Variants in CDH2 observed in about 807,000 individuals in gnomAD.
The protein encoded by CDH2 is cadherin-2.
In CDH2, 17 loss-of-function variants were observed where a neutral mutation model predicts 92.0. The ratio of observed to expected loss-of-function variants is 0.18; its 90% CI spans 0.13 to 0.28. The LOEUF (loss-of-function observed/expected upper bound fraction) is 0.28. Among genes scored for constraint, CDH2 ranks in the 10% least tolerant of loss-of-function variants. The pLI is 1.00. For synonymous variants in CDH2, 419 were observed against 415.9 expected, an observed-to-expected ratio of 1.01 and a Z score of -0.09; for missense variants, 862 against 1,133.1, an observed-to-expected ratio of 0.76 and a Z score of 3.44.
chr18:27,971,235 CA>C (rs35636455), intron 14 of CDH2, among the ~76,000 whole-genome samples: 51,243 of 137,644 alleles, frequency 0.37, 9,793 homozygotes, highest in Non-Finnish European at 0.46. Context: ...GACTCCATCT[CA>C]AAAAAAAAAA....
intron 2 of CDH2, among the ~76,000 whole-genome samples, chr18:28,023,173 G>A (rs1473365409): frequency 1.3e-5 from 2 of 152,040 alleles, no homozygotes; most frequent in Admixed American, 6.6e-5. Flanking sequence ...ATGGAATCAC[G>A]ATTTATAAGC....
chr18:28,140,416 T>C (rs2015933188), intron 2 of CDH2, among the ~76,000 whole-genome samples: 1 of 151,984 alleles, frequency 6.6e-6, no homozygotes, highest in South Asian at 2.1e-4. Context: ...ATTTCACATG[T>C]TGAAATCCTC....
chr18:28,022,871 G>A (rs914394794), intron 2 of CDH2, among the ~76,000 whole-genome samples: 1 of 151,924 alleles, frequency 6.6e-6, no homozygotes, highest in African/African-American at 2.4e-5. Flanking sequence ...CTCTGTGTGT[G>A]TAATATTTTT....
chr18:28,135,706 T>C (rs1449773032), intron 2 of CDH2, among the ~76,000 whole-genome samples: 2 of 152,188 alleles, frequency 1.3e-5, no homozygotes, highest in Non-Finnish European at 2.9e-5. Flanking sequence ...AAGGAATAAT[T>C]GCATATATGC....
intron 15 of CDH2, among the ~76,000 whole-genome samples, chr18:27,960,732 T>C (rs1197047815): frequency 6.6e-6 from 1 of 152,192 alleles, no homozygotes; most frequent in Non-Finnish European, 1.5e-5. Context: ...CTCAAGATGG[T>C]TTCACAATGA....
downstream of CDH2, among the ~76,000 whole-genome samples, chr18:27,949,565 T>C (rs985937564): frequency 6.6e-6 from 1 of 151,894 alleles, no homozygotes; most frequent in Non-Finnish European, 1.5e-5. Context: ...ATTACCAAGA[T>C]ACACTCAGTG....
intron 2 of CDH2, among the ~76,000 whole-genome samples, chr18:28,121,694 A>G (rs1598489863): frequency 6.6e-6 from 1 of 151,884 alleles, no homozygotes; most frequent in Non-Finnish European, 1.5e-5. Context: ...AGGGTTACCA[A>G]AAAAAACAGA....
chr18:28,111,582 C>T (rs1011522082), intron 2 of CDH2, among the ~76,000 whole-genome samples: 3 of 152,144 alleles, frequency 2.0e-5, no homozygotes, highest in Non-Finnish European at 2.9e-5. Context: ...CTCTGAAATT[C>T]AAAACACTGA....
At chr18:27,960,870 C>T (rs1004209294) in intron 15 of CDH2, among the ~76,000 whole-genome samples, 1 of 152,014 alleles carries the variant, frequency 6.6e-6, no homozygotes, top group Admixed American at 6.6e-5. Flanking sequence ...TAATGGTCTC[C>T]AGCCATAATA....
chr18:27,985,798 G>A lies in CDH2; in HGVS notation c.1742-37C>T, dbSNP rs1303043957. Reference sequence around the variant, plus strand: ...GAAAAATCACAAATGATGCTGAACAGTTCTCTCCAATGAGCCTCAATTATG... The same window carrying A: ...GAAAAATCACAAATGATGCTGAACAATTCTCTCCAATGAGCCTCAATTATG... On this transcript the variant is annotated intron_variant, in intron 11 of 15. Transcript: ENST00000269141. The A allele has an allele frequency of 3.3e-6, 4 of 1,225,972 alleles. No individual in the cohort carries two copies. In the African/African-American group the frequency reaches 4.5e-5, roughly 14 times the overall value. 75.9% of individuals were successfully genotyped at this position (1,225,972 alleles called of 1,614,324 possible).
Position 28,137,050 on chromosome 18 carries a change from TGGAAAAATAAAGGCATATAAACA to T in CDH2, c.172+10600_172+10622del, listed in dbSNP as rs1319277763. 2.4e-4 allele frequency among the ~76,000 whole-genome samples: 36 copies of T among 152,224 alleles called. 1 individual carries two copies. The highest frequency in any genetic ancestry group is 6.8e-3 in the Middle Eastern group (2 of 294). ...AGAACACTAGAAAAAAAAGTTGAAC[TGGAAAAATAAAGGCATATAAACA>T]GCACAGAATAAGGTAGCAGTCAATT... On this transcript the variant is annotated intron_variant, in intron 2 of 15. Coordinates refer to ENST00000269141, the MANE Select transcript of CDH2 (RefSeq NM_001792.5).
At chr18:27,987,901 C>T (rs749591179) in intron 11 of CDH2, among the ~76,000 whole-genome samples, 3 of 152,116 alleles carry the variant, frequency 2.0e-5, no homozygotes, top group Non-Finnish European at 4.4e-5. Flanking sequence ...AAACACACAT[C>T]GTACTGAGAG....
intron 2 of CDH2, among the ~76,000 whole-genome samples, chr18:28,135,385 A>T (rs1204772422): frequency 1.3e-5 from 2 of 152,170 alleles, no homozygotes; most frequent in East Asian, 3.9e-4. Flanking sequence ...GGAAATAATA[A>T]ATTATAATTG....
At chr18:28,053,100 A>C (rs1020266371) in intron 2 of CDH2, among the ~76,000 whole-genome samples, 5 of 152,096 alleles carry the variant, frequency 3.3e-5, no homozygotes, top group African/African-American at 1.2e-4. Context: ...AAGAAACTAA[A>C]CCTGCTGGCA....
chr18:28,003,789 T>A (rs558536792), intron 6 of CDH2, among the ~76,000 whole-genome samples: 7 of 152,350 alleles, frequency 4.6e-5, no homozygotes, highest in Admixed American at 3.9e-4. Context: ...GAGACTTCAA[T>A]TTATTAGATA....
At chr18:28,137,333 A>G (rs1218027262) in intron 2 of CDH2, among the ~76,000 whole-genome samples, 1 of 152,178 alleles carries the variant, frequency 6.6e-6, no homozygotes, top group Non-Finnish European at 1.5e-5. Flanking sequence ...ATCAAAGATG[A>G]TTCCATTTGG....
At chr18:27,978,797 T>C (rs928207142) in intron 14 of CDH2, among the ~76,000 whole-genome samples, 3 of 151,902 alleles carry the variant, frequency 2.0e-5, no homozygotes, top group African/African-American at 7.3e-5. Flanking sequence ...GGACTATAGG[T>C]ATGAGCTACC....
intron 2 of CDH2, among the ~76,000 whole-genome samples, chr18:28,104,984 TATATC>T (rs532760298): frequency 5.9e-4 from 90 of 152,188 alleles, no homozygotes; most frequent in African/African-American, 2.1e-3. Flanking sequence ...TTAGAAATGT[TATATC>T]ATGTTTATTG....
chr18:27,956,302 G>T (rs2011245389), intron 15 of CDH2, among the ~76,000 whole-genome samples: 1 of 152,122 alleles, frequency 6.6e-6, no homozygotes, highest in African/African-American at 2.4e-5. Context: ...TTGAATTCTG[G>T]ATAAAGCTGA....
Sources: allele counts gnomAD v4.1 joint callset (sites outside exome capture counted in the v4.1 genomes callset), GRCh38; gene constraint gnomAD v4.1.1; transcripts MANE v1.5; gene names NCBI Gene and HGNC (gene_info 2026-07-23, HGNC 2026-07-21).